The following CTNNA2 variants were observed in gnomAD, a reference collection of about 807,000 sequenced individuals.
CTNNA2 encodes catenin alpha-2.
A neutral mutation model predicts 101.0 loss-of-function variants in CTNNA2; 42 were observed. That is an observed-to-expected ratio of 0.42 (90% CI 0.32 to 0.54). The LOEUF (loss-of-function observed/expected upper bound fraction) is 0.54, where lower values mean the gene tolerates loss of function less well. CTNNA2 is among the 20% of genes least tolerant of loss of function. The probability of loss-of-function intolerance (pLI) is 0.14; values close to 1 mark genes in which losing one functional copy is unlikely to be tolerated. For missense variants in CTNNA2, 871 were observed against 1,223.1 expected (o/e 0.71, Z 4.29); for synonymous variants, 450 against 456.4 (o/e 0.99, Z 0.18).
At chr2:79,692,143 C>G (rs1465691184) in intron 2 of CTNNA2, among the ~76,000 whole-genome samples, 2 of 152,088 alleles carry the variant, frequency 1.3e-5, no homozygotes, top group African/African-American at 4.8e-5. Context: ...GGGCTAATAT[C>G]CAGAATCTAC....
At chr2:79,969,583 G>A (rs985172707) in intron 7 of CTNNA2, among the ~76,000 whole-genome samples, 1 of 152,172 alleles carries the variant, frequency 6.6e-6, no homozygotes, top group African/African-American at 2.4e-5. Context: ...GAGAAGAACA[G>A]AAGTAAACTA....
intron 4 of CTNNA2, among the ~76,000 whole-genome samples, chr2:79,420,905 A>AAG (rs1678534117): frequency 1.3e-5 from 2 of 152,174 alleles, no homozygotes; most frequent in Non-Finnish European, 2.9e-5. Flanking sequence ...ATCTGGGGGC[A>AAG]GAAGTGGTGT....
intron 7 of CTNNA2, among the ~76,000 whole-genome samples, chr2:79,985,728 A>G (rs1574475439): frequency 6.6e-6 from 1 of 152,340 alleles, no homozygotes; most frequent in East Asian, 1.9e-4. Context: ...CAGCAGGCCC[A>G]GCAGCAGGGA....
chr2:79,981,797 T>C (rs989547405), intron 7 of CTNNA2, among the ~76,000 whole-genome samples: 3 of 152,112 alleles, frequency 2.0e-5, no homozygotes, highest in Non-Finnish European at 4.4e-5. Flanking sequence ...TAAGTGTAAA[T>C]ACCTAACTAA....
chr2:79,309,595 A>G (rs1676320592), intron 2 of CTNNA2, among the ~76,000 whole-genome samples: 1 of 148,912 alleles, frequency 6.7e-6, no homozygotes, highest in South Asian at 2.1e-4. Context: ...GGTTAACATC[A>G]GGTTACTTCA....
chr2:80,435,722 A>G (rs1478796112), intron 9 of CTNNA2, among the ~76,000 whole-genome samples: 22 of 152,208 alleles, frequency 1.4e-4, no homozygotes, highest in Admixed American at 1.4e-3. Context: ...AAATGCAACC[A>G]CAGAGCGGAC....
At chr2:80,132,595 C>T (rs111609916) in intron 7 of CTNNA2, among the ~76,000 whole-genome samples, 33 of 152,230 alleles carry the variant, frequency 2.2e-4, no homozygotes, top group Non-Finnish European at 1.5e-5. Context: ...TAACAAGTTA[C>T]TCTTGGCAGC....
chr2:80,125,748 T>C lies in CTNNA2; in HGVS notation c.1056+215951T>C, dbSNP rs571349818. Among the ~76,000 whole-genome samples the C allele has an allele frequency of 2.0e-5, 3 of 152,280 alleles. No homozygotes were observed. In the South Asian group the frequency reaches 6.2e-4, roughly 32 times the overall value. ...CTGGTGCTGAAATTAGAGATATCTT[T>C]CTAATTTTCTTCAGGCCAATTCTTA... On this transcript the variant is annotated intron_variant, in intron 7 of 18. Coordinates refer to ENST00000402739, the MANE Select transcript of CTNNA2 (RefSeq NM_001282597.3).
chr2:80,220,251 A>G (rs891261278), intron 7 of CTNNA2, among the ~76,000 whole-genome samples: 3 of 152,170 alleles, frequency 2.0e-5, no homozygotes, highest in African/African-American at 4.8e-5. Flanking sequence ...AAGCTACACA[A>G]TGCTCCTCTC....
chr2:79,217,852 G>A (rs1674286436), intron 2 of CTNNA2, among the ~76,000 whole-genome samples: 1 of 152,080 alleles, frequency 6.6e-6, no homozygotes, highest in Non-Finnish European at 1.5e-5. Context: ...TCTCTCCCAG[G>A]TCTAGACACT....
chr2:79,369,851 C>A (rs1239572042), intron 3 of CTNNA2, among the ~76,000 whole-genome samples: 1 of 152,214 alleles, frequency 6.6e-6, no homozygotes, highest in Non-Finnish European at 1.5e-5. Flanking sequence ...TCTGGGATCA[C>A]TTCAGTCCTC....
chr2:79,335,011 A>G lies in CTNNA2; in HGVS notation c.-318+22215A>G, dbSNP rs551160546. Among the ~76,000 whole-genome samples, 34 of 152,210 alleles carry G rather than the reference A, an allele frequency of 2.2e-4. No individual in the cohort carries two copies. In the East Asian group the frequency reaches 2.7e-3, roughly 12 times the overall value. ...GCCCTCCCCCACCGCCCATGCACACACATTCAACCCACACCCATTCAGGAA... is the reference window on the plus strand; with the variant it reads ...GCCCTCCCCCACCGCCCATGCACACGCATTCAACCCACACCCATTCAGGAA... On this transcript the variant is annotated intron_variant, in intron 3 of 21. Transcript: ENST00000466387.
intron 18 of CTNNA2, among the ~76,000 whole-genome samples, chr2:80,635,842 G>T (rs1672819092): frequency 6.6e-6 from 1 of 152,106 alleles, no homozygotes; most frequent in African/African-American, 2.4e-5. Flanking sequence ...GATTGATTGG[G>T]CATATCTGTT....
chr2:80,119,592 C>T (rs1701719526), intron 7 of CTNNA2, among the ~76,000 whole-genome samples: 1 of 152,108 alleles, frequency 6.6e-6, no homozygotes, highest in South Asian at 2.1e-4. Context: ...TATATGTCAG[C>T]TGGCATTTAT....
intron 7 of CTNNA2, among the ~76,000 whole-genome samples, chr2:80,255,704 A>G (rs966204727): frequency 6.6e-6 from 1 of 152,194 alleles, no homozygotes; most frequent in Admixed American, 6.5e-5. Flanking sequence ...AAAGAAAGCT[A>G]TATTGGTGAC....
chr2:80,257,610 T>C (rs17339940), intron 7 of CTNNA2, among the ~76,000 whole-genome samples: 9,191 of 151,984 alleles, frequency 0.06, 456 homozygotes, highest in South Asian at 0.29. Flanking sequence ...CCAAGGAGAG[T>C]TCCAATGAAT....
intron 9 of CTNNA2, among the ~76,000 whole-genome samples, chr2:80,479,751 A>T (rs569489149): frequency 1.3e-3 from 203 of 152,308 alleles, no homozygotes; most frequent in Non-Finnish European, 1.8e-3. Context: ...CTAGAAAGGG[A>T]TGTCCTCTAA....
chr2:80,023,140 G>A (rs898531645), intron 7 of CTNNA2, among the ~76,000 whole-genome samples: 2 of 152,208 alleles, frequency 1.3e-5, no homozygotes, highest in Admixed American at 6.5e-5. Context: ...CCATGACTCA[G>A]AAAAAATTAC....
intron 3 of CTNNA2, among the ~76,000 whole-genome samples, chr2:79,320,795 T>C: frequency 6.6e-6 from 1 of 152,108 alleles, no homozygotes; most frequent in Non-Finnish European, 1.5e-5. Flanking sequence ...GACGAATCCA[T>C]AAGAACAGGA....
Sources: gnomAD v4.1 joint callset for allele counts (sites outside exome capture counted in the v4.1 genomes callset) on GRCh38, gnomAD v4.1.1 for gene constraint, MANE v1.5 for transcripts, NCBI Gene and HGNC (gene_info 2026-07-23, HGNC 2026-07-21) for gene names.